Variants in ADAM19 observed in about 807,000 individuals in gnomAD.
The protein encoded by ADAM19 is ADAM metallopeptidase domain 19.
Under a neutral mutation model 114.7 loss-of-function variants are expected in ADAM19, and 65 were observed. The observed-to-expected ratio is 0.57, with a 90% CI of 0.46 to 0.70. The LOEUF (loss-of-function observed/expected upper bound fraction) is 0.70, where lower values mean the gene tolerates loss of function less well. Among genes scored for constraint, ADAM19 ranks in the 30% least tolerant of loss-of-function variants. The pLI, the probability that ADAM19 is intolerant of heterozygous loss-of-function variation, is 0.00. For synonymous variants in ADAM19, 466 were observed against 460.5 expected (o/e 1.01, Z -0.15); for missense variants, 1,063 against 1,204.7 (o/e 0.88, Z 1.74).
intron 16 of ADAM19, among the ~76,000 whole-genome samples, 174 bp downstream of exon 16, chr5:157,492,799 G>A (rs1046841377): frequency 1.3e-5 from 2 of 152,156 alleles, no homozygotes; most frequent in Non-Finnish European, 2.9e-5. Flanking sequence ...TAATCCTTCC[G>A]ACAGTTCTCT....
chr5:157,514,326 CTTTCTTTTTTTT>C (rs1756027911), intron 7 of ADAM19, among the ~76,000 whole-genome samples: 1 of 141,690 alleles, frequency 7.1e-6, no homozygotes, highest in South Asian at 2.3e-4. Flanking sequence ...AATCACATTT[CTTTCTTTTTTTT>C]TTTTTTTTGA....
intron 21 of ADAM19, among the ~76,000 whole-genome samples, chr5:157,485,388 A>G (rs912614647): frequency 1.3e-5 from 2 of 152,264 alleles, no homozygotes; most frequent in African/African-American, 4.8e-5. Flanking sequence ...ACACTAAGTA[A>G]TCCCCATGCA....
intron 18 of ADAM19, 97 bp from the exon 19 acceptor site, chr5:157,490,551 T>C: frequency 7.9e-6 from 11 of 1,395,444 alleles, no homozygotes; most frequent in Non-Finnish European, 1.1e-5. Context: ...GGCATTTGAT[T>C]TGCATTTAAT....
At chr5:157,521,991 T>G (rs1394833725) in intron 5 of ADAM19, among the ~76,000 whole-genome samples, 2 of 152,142 alleles carry the variant, frequency 1.3e-5, no homozygotes, top group African/African-American at 4.8e-5. Flanking sequence ...AAAGTTCCAA[T>G]GGAGGTTCAC....
intron 3 of ADAM19, among the ~76,000 whole-genome samples, chr5:157,554,107 C>G (rs993257871): frequency 2.0e-5 from 3 of 152,162 alleles, no homozygotes; most frequent in African/African-American, 7.2e-5. Flanking sequence ...TTAAAATCTA[C>G]ATAAAATATT....
At chr5:157,519,022 G>C in intron 6 of ADAM19, 134 bp from the exon 7 acceptor site, 1 of 737,602 alleles carries the variant, frequency 1.4e-6, no homozygotes, top group Non-Finnish European at 2.3e-6. Context: ...CACTAGAGAT[G>C]TTCTTGGCTG....
intron 16 of ADAM19, 116 bp downstream of exon 16, chr5:157,492,857 C>A (rs1428783626): frequency 2.4e-5 from 26 of 1,102,034 alleles, no homozygotes; most frequent in Non-Finnish European, 3.4e-5. Flanking sequence ...AGGGAGCCAC[C>A]AAGGCTCAGA....
intron 22 of ADAM19, 65 bp downstream of exon 22, chr5:157,481,726 C>T: frequency 6.4e-7 from 1 of 1,552,044 alleles, no homozygotes; most frequent in South Asian, 1.2e-5. Flanking sequence ...TTTCTCAACT[C>T]TACACCTGCC....
At chr5:157,538,651 C>T (rs1756832304) in intron 3 of ADAM19, among the ~76,000 whole-genome samples, 1 of 152,178 alleles carries the variant, frequency 6.6e-6, no homozygotes, top group Non-Finnish European at 1.5e-5. Context: ...CTATGTTACT[C>T]TTCCAATAAA....
intron 11 of ADAM19, among the ~76,000 whole-genome samples, 168 bp downstream of exon 11, chr5:157,505,501 A>C (rs1755714449): frequency 6.6e-6 from 1 of 152,252 alleles, no homozygotes; most frequent in Admixed American, 6.5e-5. Context: ...TTCTTGCTGC[A>C]CATTTGCCTT....
Position 157,547,471 on chromosome 5 carries a change from T to C in ADAM19, c.252-9480A>G, listed in dbSNP as rs150962601. ...AGGGCTTGAGGCTGCAAGTTTGCTC[T>C]CTTGCTCTTTTTTTCATGTGCTATC... On this transcript the variant is annotated intron_variant, in intron 3 of 22. Transcript: ENST00000257527. Among the ~76,000 whole-genome samples the C allele has an allele frequency of 1.7e-4, 26 of 152,322 alleles. 1 individual carries two copies. In the East Asian group the frequency reaches 4.8e-3, roughly 28 times the overall value.
intron 5 of ADAM19, among the ~76,000 whole-genome samples, chr5:157,527,355 T>C (rs10476073): frequency 0.46 from 69,031 of 151,672 alleles, 16,305 homozygotes; most frequent in African/African-American, 0.58. Context: ...GGACTACAGG[T>C]GCCCACCACC....
chr5:157,575,296 C>T (rs1757941522), intron 1 of ADAM19, among the ~76,000 whole-genome samples: 1 of 152,192 alleles, frequency 6.6e-6, no homozygotes. Context: ...GGAGGATAAG[C>T]CCCGAGAACG....
At chr5:157,509,569 C>A in intron 8 of ADAM19, 102 bp from the exon 9 acceptor site, 1 of 911,998 alleles carries the variant, frequency 1.1e-6, no homozygotes, top group Non-Finnish European at 1.5e-6. Flanking sequence ...AAGAAAAAAA[C>A]TAAAACTAAA....
In ADAM19 at chr5:157,480,576, G is replaced by T; in HGVS notation, c.*373C>A. 1 of 1,082,840 alleles carries T rather than the reference G, an allele frequency of 9.2e-7. No individual in the cohort carries two copies. Among genetic ancestry groups the T allele is most frequent in the Non-Finnish European group, 1.1e-6 (1 of 889,746 alleles). 67.1% of individuals were successfully genotyped at this position (1,082,840 alleles called of 1,614,324 possible). A position where few individuals can be genotyped will look rare whatever the true frequency, so the allele number is the denominator to read the frequency against. On this transcript the variant is annotated 3_prime_UTR_variant, in exon 23 of 23. Coordinates refer to ENST00000257527, the MANE Select transcript of ADAM19 (RefSeq NM_033274.5). Reference sequence around the variant, plus strand: ...CTTGCGTGCCCTGCACCCCAGGAGTGAATGGATGGCTTCTGCAAGCGAAGT... The same window carrying T: ...CTTGCGTGCCCTGCACCCCAGGAGTTAATGGATGGCTTCTGCAAGCGAAGT...
At chr5:157,509,493 T>C (rs760655739) in intron 8 of ADAM19, 26 bp from the exon 9 acceptor site, 2 of 1,537,138 alleles carry the variant, frequency 1.3e-6, no homozygotes, top group Non-Finnish European at 8.8e-7. Flanking sequence ...AAAACCACAG[T>C]ATCTGTCAAT....
At chr5:157,556,995 T>C (rs542465929) in intron 3 of ADAM19, among the ~76,000 whole-genome samples, 18,700 of 152,042 alleles carry the variant, frequency 0.12, 1,200 homozygotes, top group Middle Eastern at 0.25. Context: ...ATCCTCCCAC[T>C]AAAGCTTCCT....
chr5:157,506,527 C>T (rs565657125), intron 10 of ADAM19, among the ~76,000 whole-genome samples: 1 of 152,116 alleles, frequency 6.6e-6, no homozygotes, highest in African/African-American at 2.4e-5. Context: ...GCTACTTTGT[C>T]GATAAATACA....
At chr5:157,489,585 T>C (rs1475704300) in intron 19 of ADAM19, among the ~76,000 whole-genome samples, 1 of 152,352 alleles carries the variant, frequency 6.6e-6, no homozygotes, top group East Asian at 1.9e-4. Context: ...CTGTACATCT[T>C]CCATATCCAA....
Sources: allele counts gnomAD v4.1 joint callset (sites outside exome capture counted in the v4.1 genomes callset), GRCh38; gene constraint gnomAD v4.1.1; transcripts MANE v1.5; gene names NCBI Gene and HGNC (gene_info 2026-07-23, HGNC 2026-07-21).